The following PRCP variants were observed in gnomAD, a reference collection of about 807,000 sequenced individuals.
PRCP encodes lysosomal Pro-X carboxypeptidase.
Under a neutral mutation model 54.2 loss-of-function variants are expected in PRCP, and 46 were observed. The observed-to-expected ratio is 0.85, with a 90% CI of 0.67 to 1.09. The LOEUF (loss-of-function observed/expected upper bound fraction) is 1.09, where lower values mean the gene tolerates loss of function less well. Ranked by LOEUF, PRCP falls within the 50% of genes least tolerant of loss-of-function variation. The probability of loss-of-function intolerance (pLI) is 0.00; values close to 1 mark genes in which losing one functional copy is unlikely to be tolerated. For missense variants in PRCP, 613 were observed against 596.8 expected (o/e 1.03, Z -0.28); for synonymous variants, 240 against 212.2 (o/e 1.13, Z -1.14).
In PRCP at chr11:82,847,759, A is replaced by AT. The variant is rs576208990; in HGVS notation, c.921+1289dup. Among the ~76,000 whole-genome samples, 423 of 152,038 alleles carry AT rather than the reference A, an allele frequency of 2.8e-3. 2 individuals carry two copies. Among genetic ancestry groups the AT allele is most frequent in the African/African-American group, 9.1e-3 (378 of 41,460 alleles). On this transcript the variant is annotated intron_variant, in intron 6 of 8. Coordinates refer to ENST00000313010, the MANE Select transcript of PRCP (RefSeq NM_005040.4). The stretch of plus-strand genomic sequence containing the variant: ...AGGCAGGCACCCCTATGCCCTGCTA[A>AT]TTTTTTTGATTTTTAGTAGAGATGA...
At chr11:82,870,459 C>T (rs544227274) in intron 1 of PRCP, among the ~76,000 whole-genome samples, 24 of 152,284 alleles carry the variant, frequency 1.6e-4, no homozygotes, top group Middle Eastern at 3.4e-3. Flanking sequence ...GACTTGGGAA[C>T]CCCTTCTCCA....
chr11:82,825,701 A>C (rs1291483549), intron 8 of PRCP: 1 of 152,370 alleles, frequency 6.6e-6, no homozygotes, highest in Non-Finnish European at 1.5e-5. Flanking sequence ...ATAGTACAGT[A>C]CTTTGGGAAA....
intron 3 of PRCP, among the ~76,000 whole-genome samples, chr11:82,850,847 A>G (rs1469401863): frequency 5.9e-5 from 9 of 152,220 alleles, no homozygotes; most frequent in African/African-American, 2.2e-4. Context: ...GCACATTTAA[A>G]ATGTCTGCCA....
chr11:82,833,441 C>G lies in PRCP; in HGVS notation c.1274+4946G>C, dbSNP rs146827258. ...TGGCGATTATTAAAAAGTCAGGAAA[C>G]AACAGATACTGGAGAGGGTGTGAGG... On this transcript the variant is annotated intron_variant, in intron 8 of 8. Transcript: ENST00000313010. Among the ~76,000 whole-genome samples the G allele has an allele frequency of 1.0e-3, 153 of 152,270 alleles. 1 individual carries two copies. The highest frequency in any genetic ancestry group is 3.6e-3 in the African/African-American group (148 of 41,564).
chr11:82,850,990 C>A (rs560743710), intron 3 of PRCP, among the ~76,000 whole-genome samples: 2 of 151,964 alleles, frequency 1.3e-5, no homozygotes, highest in South Asian at 4.2e-4. Flanking sequence ...AAGTAGCCTG[C>A]CTATTTTAAA....
chr11:82,871,953 G>A (rs1054716081), intron 1 of PRCP, among the ~76,000 whole-genome samples: 1 of 152,164 alleles, frequency 6.6e-6, no homozygotes, highest in Admixed American at 6.5e-5. Flanking sequence ...CTTATCCATG[G>A]TTTTGCTTTC....
In PRCP at chr11:82,877,820, A is replaced by C. The variant is rs539129216; in HGVS notation, c.169-17703T>G. 2.1e-4 allele frequency among the ~76,000 whole-genome samples: 32 copies of C among 152,338 alleles called. 1 individual carries two copies. Among genetic ancestry groups the C allele is most frequent in the African/African-American group, 7.7e-4 (32 of 41,590 alleles). On this transcript the variant is annotated intron_variant, in intron 1 of 8. Coordinates refer to ENST00000313010, the MANE Select transcript of PRCP (RefSeq NM_005040.4). ...CCCCACACAGAGTCTCTACTGGGGC[A>C]ATGCCTAGTGGAGCTATGAGAAGAG...
chr11:82,823,375 G>C lies in PRCP; in HGVS notation c.*1531C>G, dbSNP rs374348988. The C allele has an allele frequency of 3.3e-5, 5 of 152,110 alleles. No individual in the cohort carries two copies. Among genetic ancestry groups the C allele is most frequent in the Admixed American group, 2.6e-4 (4 of 15,274 alleles). 9.4% of individuals were successfully genotyped at this position (152,110 alleles called of 1,614,324 possible). The stretch of plus-strand genomic sequence containing the variant: ...TTCCCACCCAAATCGATTGTTCTGT[G>C]ATGCTGAAACAAAATAGTTACCAAA... On this transcript the variant is annotated 3_prime_UTR_variant, in exon 9 of 9. Transcript: ENST00000313010.
intron 1 of PRCP, among the ~76,000 whole-genome samples, chr11:82,873,735 T>C (rs1272145819): frequency 6.6e-6 from 1 of 152,254 alleles, no homozygotes; most frequent in Non-Finnish European, 1.5e-5. Flanking sequence ...CTGTGAATGA[T>C]ACCATGAGAA....
At chr11:82,886,592 T>C (rs140486713) in intron 1 of PRCP, among the ~76,000 whole-genome samples, 2 of 152,202 alleles carry the variant, frequency 1.3e-5, no homozygotes. Flanking sequence ...TTGAACTACA[T>C]GAATTAAATA....
intron 3 of PRCP, 83 bp from the exon 4 acceptor site, chr11:82,850,588 G>C (rs776451102): frequency 2.6e-5 from 29 of 1,106,466 alleles, no homozygotes; most frequent in Non-Finnish European, 3.3e-5. Context: ...AAGAGAGCCA[G>C]TGTCAGATAA....
chr11:82,838,893 G>A (rs1193868213), intron 7 of PRCP, among the ~76,000 whole-genome samples: 2 of 152,102 alleles, frequency 1.3e-5, no homozygotes, highest in Non-Finnish European at 2.9e-5. Flanking sequence ...GCAGATGAAG[G>A]ACAAATTAGA....
intron 8 of PRCP, among the ~76,000 whole-genome samples, chr11:82,834,247 G>GT (rs1356388542): frequency 6.6e-6 from 1 of 152,216 alleles, no homozygotes; most frequent in African/African-American, 2.4e-5. Flanking sequence ...AGTCTCAGGT[G>GT]TTTTGCTATA....
intron 1 of PRCP, among the ~76,000 whole-genome samples, chr11:82,886,885 C>A (rs1179302241): frequency 1.3e-5 from 2 of 152,234 alleles, no homozygotes; most frequent in African/African-American, 2.4e-5. Context: ...ACCATCTCAA[C>A]ACCAAGCTAT....
Position 82,849,080 on chromosome 11 carries a change from A to G in PRCP, c.890T>C (p.Phe297Ser). Reference protein sequence around the residue: ...AMVDYPYASNFLQPLPAWPIK... With the variant: ...AMVDYPYASNSLQPLPAWPIK... ...AGGCCAAGCAGGCAAAGGCTGTAAA[A>G]AGTTAGAGGCATAAGGATAGTCCAC... The change falls in exon 6 of 9, where the codon TTT becomes TCT. Residue 297 changes from phenylalanine to serine, a missense_variant. By Grantham distance (155) the Phe-to-Ser change is radical. Transcript: ENST00000313010. 6.2e-7 allele frequency: 1 copy of G among 1,613,958 alleles called. No individual in the cohort carries two copies. Among genetic ancestry groups the G allele is most frequent in the Non-Finnish European group, 8.5e-7 (1 of 1,179,920 alleles).
chr11:82,885,935 C>T (rs1203742687), intron 1 of PRCP, among the ~76,000 whole-genome samples: 1 of 152,138 alleles, frequency 6.6e-6, no homozygotes, highest in Non-Finnish European at 1.5e-5. Flanking sequence ...GATGTATCTT[C>T]CTTTATTCCC....
At chr11:82,865,303 G>A (rs557735718) in intron 1 of PRCP, among the ~76,000 whole-genome samples, 5 of 152,144 alleles carry the variant, frequency 3.3e-5, no homozygotes, top group South Asian at 2.1e-4. Flanking sequence ...TTCAACCCTC[G>A]GTAGGCGACA....
At chr11:82,891,905 G>A (rs947118503) in intron 1 of PRCP, among the ~76,000 whole-genome samples, 11 of 151,940 alleles carry the variant, frequency 7.2e-5, no homozygotes, top group South Asian at 2.1e-4. Context: ...TAATTTTTTG[G>A]GCTAACAATA....
chr11:82,825,495 C>T (rs554383181), intron 8 of PRCP: 10 of 225,896 alleles, frequency 4.4e-5, no homozygotes, highest in Non-Finnish European at 7.0e-5. Flanking sequence ...ACATGCCAGG[C>T]GCAGTGGCTC....
Sources: gnomAD v4.1 joint callset for allele counts (sites outside exome capture counted in the v4.1 genomes callset) on GRCh38, gnomAD v4.1.1 for gene constraint, MANE v1.5 for transcripts, NCBI Gene and HGNC (gene_info 2026-07-23, HGNC 2026-07-21) for gene names.